SPARCL1: variants seen among roughly 807,000 people sequenced by gnomAD.
SPARCL1 encodes the protein SPARC like 1, also known as SPARC-like protein 1.
A neutral mutation model predicts 67.1 loss-of-function variants in SPARCL1; 52 were observed. The observed-to-expected ratio is 0.78, with a 90% confidence interval of 0.62 to 0.98. The LOEUF is 0.98. Among genes scored for constraint, SPARCL1 ranks in the 50% least tolerant of loss-of-function variants. The pLI, the probability that SPARCL1 is intolerant of heterozygous loss-of-function variation, is 0.00. For missense variants in SPARCL1, 717 were observed against 782.4 expected (o/e 0.92, Z 1.00); for synonymous variants, 226 against 267.8 (o/e 0.84, Z 1.52).
rs866554426 is a variant in SPARCL1 at position 87,515,044 on chromosome 4, A to T, written c.-12+14001T>A. On this transcript the variant is annotated intron_variant, in intron 1 of 10. Transcript: ENST00000282470. ...AATAGAAAATAAAACTCCAGATGAA[A>T]AATGCAAAAATGAGACAAATTTTGG... 3.9e-5 allele frequency among the ~76,000 whole-genome samples: 6 copies of T among 152,236 alleles called. No homozygotes were observed. The South Asian group carries it at 1.2e-3, about 31-fold the overall frequency.
intron 1 of SPARCL1, among the ~76,000 whole-genome samples, chr4:87,524,229 A>G (rs1725943339): frequency 1.3e-5 from 2 of 151,508 alleles, no homozygotes; most frequent in East Asian, 3.9e-4. Flanking sequence ...AAAAGTCACA[A>G]TTCTTTTTTT....
chr4:87,477,157 C>T (rs556632596), intron 10 of SPARCL1, among the ~76,000 whole-genome samples: 5 of 152,360 alleles, frequency 3.3e-5, no homozygotes, highest in African/African-American at 1.2e-4. Context: ...AGCTTACACA[C>T]TGAAGAGCTG....
intron 1 of SPARCL1, among the ~76,000 whole-genome samples, chr4:87,514,140 G>A (rs149497844): frequency 0.053 from 8,025 of 152,246 alleles, 681 homozygotes; most frequent in African/African-American, 0.18. Flanking sequence ...GTTGCAGTGA[G>A]CCAAGATTGA....
chr4:87,491,821 C>G (rs1186588537), intron 4 of SPARCL1, 131 bp from the exon 5 acceptor site: 2 of 714,594 alleles, frequency 2.8e-6, no homozygotes, highest in East Asian at 5.6e-5. Flanking sequence ...AAAGGGAAAC[C>G]AGGCTGGGTG....
Position 87,494,514 on chromosome 4 carries a change from C to T in SPARCL1, c.286G>A (p.Gly96Arg), listed in dbSNP as rs540075862. 1.4e-5 allele frequency: 22 copies of T among 1,614,116 alleles called. No homozygotes were observed. The South Asian group carries it at 2.2e-4, about 16-fold the overall frequency. ...EQGKSSSQELGLKDQEDSDGH... is the reference protein window; with the variant it reads ...EQGKSSSQELRLKDQEDSDGH... Reference sequence around the variant, plus strand: ...TCACTGTCCTCTTGATCCTTCAATCCCAGCTCTTGGCTAGAACTCTTGCCC... The same window carrying T: ...TCACTGTCCTCTTGATCCTTCAATCTCAGCTCTTGGCTAGAACTCTTGCCC... The change falls in exon 4 of 11, where the codon GGA becomes AGA. Residue 96 changes from glycine (G) to arginine (R), a missense_variant. By Grantham distance (125) the Gly-to-Arg change is moderately radical (BLOSUM62 -2). Coordinates refer to ENST00000282470, the MANE Select transcript of SPARCL1 (RefSeq NM_004684.6).
At chr4:87,483,100 ATTATAC>A (rs1723901009) in intron 7 of SPARCL1, among the ~76,000 whole-genome samples, 1 of 140,708 alleles carries the variant, frequency 7.1e-6, no homozygotes, top group African/African-American at 2.7e-5. Flanking sequence ...TTTTTTTTTA[ATTATAC>A]TTTAAGTTCT....
chr4:87,514,218 A>G lies in SPARCL1; in HGVS notation c.-11-14633T>C, dbSNP rs1389489793. ...AAAGAAAAAAGATTATTCCTGAATT[A>G]ATGTATTTCTATTCTCAGGTAAGAG... On this transcript the variant is annotated intron_variant, in intron 1 of 10. Transcript: ENST00000282470. Among the ~76,000 whole-genome samples, 8 of 152,300 alleles carry G rather than the reference A, an allele frequency of 5.3e-5. No homozygotes were observed. In the East Asian group the frequency reaches 1.5e-3, roughly 29 times the overall value.
intron 1 of SPARCL1, among the ~76,000 whole-genome samples, chr4:87,525,711 G>C (rs149040231): frequency 6.6e-6 from 1 of 152,150 alleles, no homozygotes; most frequent in Non-Finnish European, 1.5e-5. Flanking sequence ...GTGTACATAA[G>C]TTGGTTGTGT....
In SPARCL1 at chr4:87,484,859, C is replaced by T. The variant is rs58990169; in HGVS notation, c.1532-2299G>A. Among the ~76,000 whole-genome samples, 598 of 152,180 alleles carry T rather than the reference C, an allele frequency of 3.9e-3. 2 individuals are homozygous for T. Among genetic ancestry groups the T allele is most frequent in the African/African-American group, 0.014 (585 of 41,516 alleles). The stretch of plus-strand genomic sequence containing the variant: ...ATGGGCATTCACTTATGATTTGGCT[C>T]TCTGCTTGTCTGTTATTGGTATATA... On this transcript the variant is annotated intron_variant, in intron 7 of 10. Transcript: ENST00000282470.
chr4:87,503,163 G>T (rs147209092), intron 1 of SPARCL1, among the ~76,000 whole-genome samples: 5 of 152,326 alleles, frequency 3.3e-5, no homozygotes, highest in Non-Finnish European at 7.4e-5. Flanking sequence ...TCCCCTGGCT[G>T]TGCAGGCAGG....
At position 87,479,471 on chromosome 4, in the gene SPARCL1, A is replaced by C. The variant is rs1317416947; in HGVS notation, c.1925T>G (p.Ile642Ser). 2.5e-6 allele frequency: 4 copies of C among 1,614,002 alleles called. No homozygotes were observed. The Middle Eastern group carries it at 5.0e-4, about 202-fold the overall frequency. ...GCAGTGGCCCCACTCCTTCAGGGTG[A>C]TGTGCTTATCCTTGTTGGGGTCACA... Reference protein sequence around the residue: ...EECDPNKDKHITLKEWGHCFG... With the variant: ...EECDPNKDKHSTLKEWGHCFG... Residue 642 changes from isoleucine (I) to serine (S), a missense_variant, in exon 10 of 11, where the codon ATC becomes AGC. Transcript: ENST00000282470.
At chr4:87,517,638 A>T (rs534219442) in intron 1 of SPARCL1, among the ~76,000 whole-genome samples, 2 of 152,130 alleles carry the variant, frequency 1.3e-5, no homozygotes, top group East Asian at 3.9e-4. Flanking sequence ...TCTTATTTGA[A>T]TTTCCCTTAT....
intron 2 of SPARCL1, 150 bp downstream of exon 2, chr4:87,499,371 T>G (rs531697445): frequency 2.2e-4 from 162 of 745,624 alleles, no homozygotes; most frequent in Non-Finnish European, 3.3e-4. Flanking sequence ...AGTTTTCCAG[T>G]TATTTGTTTG....
In SPARCL1 at chr4:87,511,965, C is replaced by T. The variant is rs1217822291; in HGVS notation, c.-11-12380G>A. ...CTTTCCTTTCCTTTCCTCTTTCTTT[C>T]TCTTTTTTTTTTTTTTTGAGACAGA... On this transcript the variant is annotated intron_variant, in intron 1 of 10. Coordinates refer to ENST00000282470, the MANE Select transcript of SPARCL1 (RefSeq NM_004684.6). Among the ~76,000 whole-genome samples, 440 of 82,006 alleles carry T rather than the reference C, an allele frequency of 5.4e-3. 1 individual carries two copies. Among genetic ancestry groups the T allele is most frequent in the Non-Finnish European group, 6.9e-3 (302 of 43,988 alleles). 53.8% of individuals were successfully genotyped at this position (82,006 alleles called of 152,430 possible). A position where few individuals can be genotyped will look rare whatever the true frequency, so the allele number is the denominator to read the frequency against.
At chr4:87,490,169 A>G (rs1724254913) in intron 7 of SPARCL1, 104 bp downstream of exon 7, 2 of 1,273,708 alleles carry the variant, frequency 1.6e-6, no homozygotes, top group Non-Finnish European at 2.1e-6. Context: ...TGTGTTCAGA[A>G]CTACATCAGC....
intron 7 of SPARCL1, among the ~76,000 whole-genome samples, chr4:87,488,043 T>G (rs1224240584): frequency 1.3e-5 from 2 of 152,194 alleles, no homozygotes; most frequent in Admixed American, 6.5e-5. Context: ...TTATAACATG[T>G]TCCTTTAACT....
Position 87,512,944 on chromosome 4 carries a change from C to T in SPARCL1, c.-11-13359G>A, listed in dbSNP as rs191685164. 4.6e-3 allele frequency among the ~76,000 whole-genome samples: 695 copies of T among 152,164 alleles called. 7 individuals are homozygous for T. Among genetic ancestry groups the T allele is most frequent in the Non-Finnish European group, 6.4e-3 (438 of 68,008 alleles). The stretch of plus-strand genomic sequence containing the variant: ...GCTTTTGGGGGCTTCAGCTCATTGT[C>T]TATAAAATAGTATGAAGATTAAGTG... On this transcript the variant is annotated intron_variant, in intron 1 of 10. Transcript: ENST00000282470.
chr4:87,499,671 G>A, intron 1 of SPARCL1, 86 bp from the exon 2 acceptor site: 1 of 940,328 alleles, frequency 1.1e-6, no homozygotes, highest in South Asian at 1.4e-5. Context: ...TACTGAGCTT[G>A]ATATTGTCCT....
chr4:87,503,937 C>A lies in SPARCL1; in HGVS notation c.-11-4352G>T, dbSNP rs144369938. Among the ~76,000 whole-genome samples the A allele has an allele frequency of 4.2e-3, 646 of 152,152 alleles. 2 individuals are homozygous for A. The highest frequency in any genetic ancestry group is 0.015 in the African/African-American group (617 of 41,500). On this transcript the variant is annotated intron_variant, in intron 1 of 10. Coordinates refer to ENST00000282470, the MANE Select transcript of SPARCL1 (RefSeq NM_004684.6). ...TCAACTGGTCCACCTGCCTCGGCCT[C>A]TCAAACTAGCAGCAAATGAAGTTTT...
Sources: allele counts gnomAD v4.1 joint callset (sites outside exome capture counted in the v4.1 genomes callset), GRCh38; gene constraint gnomAD v4.1.1; transcripts MANE v1.5; gene names NCBI Gene and HGNC (gene_info 2026-07-23, HGNC 2026-07-21).